Variants in LRCH3 observed in about 807,000 individuals in gnomAD.
LRCH3 encodes the protein leucine rich repeats and calponin homology domain containing 3, also known as DISP complex protein LRCH3.
In LRCH3, 68 loss-of-function variants were observed where a neutral mutation model predicts 104.5. The observed-to-expected ratio is 0.65, with a 90% CI of 0.54 to 0.80. The LOEUF is 0.80. Ranked by LOEUF, LRCH3 falls within the 30% of genes least tolerant of loss-of-function variation. LRCH3 has a pLI of 0.00. For synonymous variants in LRCH3, 344 were observed against 361.3 expected (o/e 0.95, Z 0.54); for missense variants, 951 against 953.9 (o/e 1.00, Z 0.04).
At chr3:197,834,925 C>G (rs1367186186) in intron 8 of LRCH3, among the ~76,000 whole-genome samples, 4 of 152,140 alleles carry the variant, frequency 2.6e-5, no homozygotes, top group African/African-American at 9.7e-5. Context: ...GGGCGGATCG[C>G]TTGAGCCCAG....
At chr3:197,804,055 C>T (rs1335544562) in intron 1 of LRCH3, among the ~76,000 whole-genome samples, 5 of 151,534 alleles carry the variant, frequency 3.3e-5, no homozygotes, top group Non-Finnish European at 7.4e-5. Context: ...GTCAGGAGTT[C>T]GAGACCAGCC....
At chr3:197,835,588 T>A in intron 8 of LRCH3, 86 bp from the exon 9 acceptor site, 1 of 1,313,678 alleles carries the variant, frequency 7.6e-7, no homozygotes, top group Non-Finnish European at 9.8e-7. Context: ...GAAAAGGAAA[T>A]AAGTAAATGT....
chr3:197,837,303 ATC>A (rs1198918792), intron 9 of LRCH3, among the ~76,000 whole-genome samples: 1 of 152,204 alleles, frequency 6.6e-6, no homozygotes, highest in Non-Finnish European at 1.5e-5. Flanking sequence ...TAAATGGAGT[ATC>A]TCTACTAAAA....
chr3:197,829,447 G>A (rs1735638662), intron 5 of LRCH3, 117 bp from the exon 6 acceptor site: 1 of 573,316 alleles, frequency 1.7e-6, no homozygotes, highest in African/African-American at 1.9e-5. Context: ...ATTACTGTAT[G>A]TACTTGATAG....
At position 197,828,076 on chromosome 3, in the gene LRCH3, CA is replaced by C. The variant is rs11396052; in HGVS notation, c.777+1078del. ...TGGGCGACAGGGTGAGACTCCGTCT[CA>C]AAAAAAAAAAAAAAATGCTAGAGAC... On this transcript the variant is annotated intron_variant, in intron 5 of 20. Transcript: ENST00000425562. 4.9e-3 allele frequency among the ~76,000 whole-genome samples: 636 copies of C among 129,258 alleles called. 1 individual carries two copies. Among genetic ancestry groups the C allele is most frequent in the Middle Eastern group, 0.013 (3 of 234 alleles). 84.8% of individuals were successfully genotyped at this position (129,258 alleles called of 152,430 possible).
chr3:197,880,196 C>T (rs532859338), intron 20 of LRCH3, among the ~76,000 whole-genome samples: 19 of 152,146 alleles, frequency 1.2e-4, no homozygotes, highest in Admixed American at 7.8e-4. Context: ...CCACCCGCCT[C>T]GGCCTCCCAA....
At chr3:197,858,484 C>T (rs1740526516) in intron 14 of LRCH3, among the ~76,000 whole-genome samples, 1 of 151,936 alleles carries the variant, frequency 6.6e-6, no homozygotes, top group African/African-American at 2.4e-5. Context: ...TTGGTTAAAA[C>T]CCCTCATCGT....
chr3:197,878,487 C>A (rs971578359), intron 20 of LRCH3, among the ~76,000 whole-genome samples: 5 of 152,226 alleles, frequency 3.3e-5, no homozygotes, highest in Admixed American at 2.0e-4. Flanking sequence ...AAGACTGGGT[C>A]TTTTTCCAGA....
intron 4 of LRCH3, among the ~76,000 whole-genome samples, chr3:197,824,799 T>C (rs992418700): frequency 6.6e-6 from 1 of 151,934 alleles, no homozygotes; most frequent in Non-Finnish European, 1.5e-5. Flanking sequence ...CTTGAACTTC[T>C]GACCTCGTGA....
rs1714277695 is a variant in LRCH3, at chr3:197,887,299, C to G, written c.*3633C>G. The G allele has an allele frequency of 6.5e-6, 1 of 153,156 alleles. No homozygotes were observed. Among genetic ancestry groups the G allele is most frequent in the East Asian group, 1.9e-4 (1 of 5,200 alleles). 9.5% of individuals were successfully genotyped at this position (153,156 alleles called of 1,614,324 possible). ...ATGAAGATGACCTTGTCACAGCTCC[C>G]CTGACCTGAAGCAGAGCCCTTCCCA... On this transcript the variant is annotated 3_prime_UTR_variant, in exon 21 of 21. Transcript: ENST00000425562.
At chr3:197,859,536 T>C (rs1283285475) in intron 15 of LRCH3, 1 of 152,228 alleles carries the variant, frequency 6.6e-6, no homozygotes, top group African/African-American at 2.4e-5. Context: ...CATTCCACCT[T>C]CTGGAAAAAT....
At chr3:197,837,929 A>G (rs1580734144) in intron 9 of LRCH3, among the ~76,000 whole-genome samples, 1 of 151,936 alleles carries the variant, frequency 6.6e-6, no homozygotes, top group Non-Finnish European at 1.5e-5. Flanking sequence ...GTGTCATGGC[A>G]GGTGCCTGTA....
intron 15 of LRCH3, among the ~76,000 whole-genome samples, chr3:197,864,965 A>C (rs965038662): frequency 1.3e-4 from 19 of 151,814 alleles, no homozygotes; most frequent in African/African-American, 4.6e-4. Context: ...TGGCATTGCA[A>C]TCTAGCCTGG....
rs1192548818 is a variant in LRCH3, at chr3:197,832,179, T to G, written c.982-18T>G. On this transcript the variant is annotated intron_variant, in intron 7 of 20. Coordinates refer to ENST00000425562, the MANE Select transcript of LRCH3 (RefSeq NM_001365715.1). ...GCTCTAAAATGATTGTTTTTAATGT[T>G]TCTGCTTCTTTTTTAAGCCTACAGA... The G allele has an allele frequency of 6.2e-7, 1 of 1,607,182 alleles. No individual in the cohort carries two copies. The highest frequency in any genetic ancestry group is 1.7e-5 in the Admixed American group (1 of 59,600).
intron 6 of LRCH3, among the ~76,000 whole-genome samples, chr3:197,830,351 G>A (rs1346691062): frequency 6.6e-6 from 1 of 152,170 alleles, no homozygotes; most frequent in Non-Finnish European, 1.5e-5. Context: ...TGAGTATGGA[G>A]CAGTCTTAAG....
At chr3:197,803,390 T>C (rs1282257690) in intron 1 of LRCH3, among the ~76,000 whole-genome samples, 1 of 152,158 alleles carries the variant, frequency 6.6e-6, no homozygotes, top group Non-Finnish European at 1.5e-5. Flanking sequence ...CTGGGTGAGA[T>C]TACTAGAGAG....
At chr3:197,797,464 A>G (rs1016615971) in intron 1 of LRCH3, among the ~76,000 whole-genome samples, 8 of 152,300 alleles carry the variant, frequency 5.3e-5, no homozygotes, top group Admixed American at 1.3e-4. Context: ...CTGTCAACTC[A>G]GGGAGATACC....
chr3:197,858,425 ATTT>A (rs1740521661), intron 14 of LRCH3, among the ~76,000 whole-genome samples: 1 of 152,022 alleles, frequency 6.6e-6, no homozygotes, highest in African/African-American at 2.4e-5. Flanking sequence ...AATATATATA[ATTT>A]GGATTAATGT....
At chr3:197,820,498 T>G (rs1474579414) in intron 4 of LRCH3, 68 bp downstream of exon 4, 2 of 1,108,278 alleles carry the variant, frequency 1.8e-6, no homozygotes, top group Non-Finnish European at 2.7e-6. Flanking sequence ...CTCAGACCAA[T>G]CAAGACAAAA....
Sources: allele counts gnomAD v4.1 joint callset (sites outside exome capture counted in the v4.1 genomes callset), GRCh38; gene constraint gnomAD v4.1.1; transcripts MANE v1.5; gene names NCBI Gene and HGNC (gene_info 2026-07-23, HGNC 2026-07-21).